Variants in SH3KBP1 observed in about 807,000 individuals in gnomAD.
SH3KBP1 encodes SH3 domain-containing kinase-binding protein 1.
Under a neutral mutation model 50.1 loss-of-function variants are expected in SH3KBP1, and 8 were observed. That is an observed-to-expected ratio of 0.16 (90% CI 0.09 to 0.29). The LOEUF (loss-of-function observed/expected upper bound fraction) is 0.29. Ranked by LOEUF, SH3KBP1 falls within the 10% of genes least tolerant of loss-of-function variation. The pLI is 1.00. For missense variants in SH3KBP1, 377 were observed against 535.2 expected (o/e 0.70, Z 2.92); for synonymous variants, 227 against 218.6 (o/e 1.04, Z -0.34).
intron 2 of SH3KBP1, among the ~76,000 whole-genome samples, chrX:19,751,073 C>T (rs1473742037): frequency 8.9e-6 from 1 of 111,737 alleles, no homozygotes; most frequent in African/African-American, 3.3e-5. Context: ...CCAGTGGAAA[C>T]CTTAGCTTCC....
chrX:19,648,804 A>G (rs1470100024), intron 6 of SH3KBP1, among the ~76,000 whole-genome samples: 3 of 110,818 alleles, frequency 2.7e-5, no homozygotes, highest in African/African-American at 9.9e-5. Flanking sequence ...CTAGTTGAGA[A>G]CCTCTAGCCC....
In SH3KBP1 at chrX:19,572,443, G is replaced by T. The variant is rs748619581; in HGVS notation, c.1299-3255C>A. ...TTATATAGTACATATATGTTATATA[G>T]TACATGTTATATATAGTACATATAT... On this transcript the variant is annotated intron_variant, in intron 12 of 17. Transcript: ENST00000397821. Among the ~76,000 whole-genome samples the T allele has an allele frequency of 3.1e-3, 327 of 105,045 alleles. 3 individuals are homozygous for T. The highest frequency in any genetic ancestry group is 0.01 in the African/African-American group (304 of 28,985). The allele number at this position is 105,045 out of a possible 115,157, so 91.2% of individuals were successfully genotyped here.
intron 2 of SH3KBP1, among the ~76,000 whole-genome samples, chrX:19,774,176 T>C (rs887746168): frequency 7.2e-5 from 8 of 111,557 alleles, no homozygotes; most frequent in Admixed American, 9.6e-5. Context: ...TTTTTGACTG[T>C]CTTTTTTTTA....
intron 3 of SH3KBP1, among the ~76,000 whole-genome samples, chrX:19,738,776 C>T (rs1332849350): frequency 9.4e-6 from 1 of 106,786 alleles, no homozygotes; most frequent in African/African-American, 3.4e-5. Flanking sequence ...TTTGGGAGGC[C>T]GAGGCTGGGG....
chrX:19,808,941 G>A lies in SH3KBP1; in HGVS notation c.162+27184C>T, dbSNP rs1208209992. On this transcript the variant is annotated intron_variant, in intron 2 of 17. Transcript: ENST00000397821. ...TTATTTTTTTAAGGATCAGAAGTAAGTATGACAAAATGGCAACATTTGATA... is the reference window on the plus strand; with the variant it reads ...TTATTTTTTTAAGGATCAGAAGTAAATATGACAAAATGGCAACATTTGATA... Among the ~76,000 whole-genome samples, 10 of 112,001 alleles carry A rather than the reference G, an allele frequency of 8.9e-5. No individual in the cohort carries two copies. The East Asian group carries it at 2.8e-3, about 31-fold the overall frequency.
chrX:19,684,055 AAG>A (rs2063116634), intron 5 of SH3KBP1, 27 bp from the exon 6 acceptor site: 2 of 1,147,107 alleles, frequency 1.7e-6, no homozygotes, highest in African/African-American at 3.6e-5. Flanking sequence ...TGGGGAGAGA[AAG>A]AGCTCAGAAA....
intron 6 of SH3KBP1, among the ~76,000 whole-genome samples, chrX:19,678,831 T>TGATC (rs1293461660): frequency 1.8e-5 from 2 of 111,409 alleles, no homozygotes; most frequent in East Asian, 5.6e-4. Flanking sequence ...ACCACCTATC[T>TGATC]GATCGTGTCA....
At position 19,594,969 on chromosome X, in the gene SH3KBP1, G is replaced by T. The variant is rs2066856631; in HGVS notation, c.1037C>A (p.Pro346His). The change falls in exon 10 of 18, where the codon CCT (proline) becomes CAT (histidine). Residue 346 changes from proline to histidine, a missense_variant. Physicochemically the swap from Pro to His is moderately conservative, Grantham distance 77. Transcript: ENST00000397821. The stretch of plus-strand genomic sequence containing the variant: ...ATTACCTGCCCCTTGTTTGATGACA[G>T]GAGCGGATGGAGGCGGTGGCTTCTT... ...RPKKPPPPSA[P>H]VIKQGAGTTE... The T allele has an allele frequency of 8.3e-7, 1 of 1,202,513 alleles. No homozygotes were observed. Among genetic ancestry groups the T allele is most frequent in the African/African-American group, 1.7e-5 (1 of 57,601 alleles).
chrX:19,610,163 G>C (rs1188866469), intron 8 of SH3KBP1, among the ~76,000 whole-genome samples: 1 of 111,776 alleles, frequency 8.9e-6, no homozygotes, highest in Non-Finnish European at 1.9e-5. Flanking sequence ...ACAAAACAAG[G>C]GTCCAAAAGT....
chrX:19,732,779 T>C lies in SH3KBP1; in HGVS notation c.286+13539A>G, dbSNP rs1482312220. ...TTTTCTAAATATAAAAGAGGAACTTTTTTTAATTAGCAAGAGTGTTCCACA... is the reference window on the plus strand; with the variant it reads ...TTTTCTAAATATAAAAGAGGAACTTCTTTTAATTAGCAAGAGTGTTCCACA... On this transcript the variant is annotated intron_variant, in intron 3 of 17. Transcript: ENST00000397821. 7.1e-5 allele frequency among the ~76,000 whole-genome samples: 8 copies of C among 112,234 alleles called. No homozygotes were observed. In the Admixed American group the frequency reaches 7.6e-4, roughly 11 times the overall value.
intron 3 of SH3KBP1, among the ~76,000 whole-genome samples, chrX:19,743,672 G>A (rs73193555): frequency 0.029 from 3,225 of 111,715 alleles, 54 homozygotes; most frequent in Non-Finnish European, 0.047. Context: ...ATCCCACAAC[G>A]TGAGGGACTA....
At chrX:19,549,854 C>A in intron 14 of SH3KBP1, 120 bp downstream of exon 14, 1 of 492,838 alleles carries the variant, frequency 2.0e-6, no homozygotes, top group South Asian at 3.9e-5. Context: ...CATGGCCTCC[C>A]TCTCCCAGGG....
At chrX:19,687,640 G>T (rs1264726796) in intron 5 of SH3KBP1, 1 of 1,207,960 alleles carries the variant, frequency 8.3e-7, no homozygotes, top group South Asian at 1.8e-5. Flanking sequence ...GTGGCCCTCC[G>T]TCTTTCCCGG....
At chrX:19,788,269 C>CA (rs1227301099) in intron 2 of SH3KBP1, among the ~76,000 whole-genome samples, 795 of 24,797 alleles carry the variant, frequency 0.032, 7 homozygotes, top group Non-Finnish European at 0.049. Context: ...ATTCTATCTC[C>CA]AAAAAAAAAA....
chrX:19,613,146 T>C lies in SH3KBP1; in HGVS notation c.898-5101A>G, dbSNP rs192459821. Reference sequence around the variant, plus strand: ...AAGTGGATGTCCCCAAGGAAGACGGTAGAAGTTGAGTGAAGGCAGGATGGT... The same window carrying C: ...AAGTGGATGTCCCCAAGGAAGACGGCAGAAGTTGAGTGAAGGCAGGATGGT... On this transcript the variant is annotated intron_variant, in intron 8 of 17. Coordinates refer to ENST00000397821, the MANE Select transcript of SH3KBP1 (RefSeq NM_031892.3). 2.7e-5 allele frequency among the ~76,000 whole-genome samples: 3 copies of C among 111,959 alleles called. No individual in the cohort carries two copies. In the Admixed American group the frequency reaches 2.8e-4, roughly 11 times the overall value.
At chrX:19,768,648 T>C (rs1055159833) in intron 2 of SH3KBP1, among the ~76,000 whole-genome samples, 1 of 107,129 alleles carries the variant, frequency 9.3e-6, no homozygotes, top group Admixed American at 1.0e-4. Context: ...TGTCTATGTT[T>C]AGGAGAAACA....
At chrX:19,637,036 T>G (rs1419631147) in intron 7 of SH3KBP1, among the ~76,000 whole-genome samples, 1 of 112,533 alleles carries the variant, frequency 8.9e-6, no homozygotes, top group Non-Finnish European at 1.9e-5. Flanking sequence ...TGACAAATAT[T>G]ATCTCAGACA....
intron 2 of SH3KBP1, among the ~76,000 whole-genome samples, chrX:19,759,155 T>C (rs2065303471): frequency 9.0e-6 from 1 of 111,695 alleles, no homozygotes; most frequent in South Asian, 3.8e-4. Context: ...CACAACCACA[T>C]TAAGAGATAG....
At chrX:19,822,941 T>C (rs769922863) in intron 2 of SH3KBP1, among the ~76,000 whole-genome samples, 7 of 112,573 alleles carry the variant, frequency 6.2e-5, no homozygotes, top group Non-Finnish European at 1.3e-4. Context: ...ATATTCTGTG[T>C]TAAAGTTTCT....
Sources: allele counts gnomAD v4.1 joint callset (sites outside exome capture counted in the v4.1 genomes callset), GRCh38; gene constraint gnomAD v4.1.1; transcripts MANE v1.5; gene names NCBI Gene and HGNC (gene_info 2026-07-23, HGNC 2026-07-21).